The following CCDC141 variants were observed in gnomAD, a reference collection of about 807,000 sequenced individuals.
The protein encoded by CCDC141 is coiled-coil domain containing 141.
CCDC141 carries 168 observed loss-of-function variants against 181.0 expected under a neutral mutation model. That is an observed-to-expected ratio of 0.93 (90% CI 0.82 to 1.05). The LOEUF is 1.05. CCDC141 is among the 50% of genes least tolerant of loss of function. The probability of loss-of-function intolerance (pLI) is 0.00; values close to 1 mark genes in which losing one functional copy is unlikely to be tolerated. For missense variants in CCDC141, 1,902 were observed against 1,788.5 expected, an observed-to-expected ratio of 1.06 and a Z score of -1.14; for synonymous variants, 666 against 642.3, an observed-to-expected ratio of 1.04 and a Z score of -0.56.
chr2:178,846,162 A>G (rs1684931645), intron 21 of CCDC141, among the ~76,000 whole-genome samples: 1 of 152,234 alleles, frequency 6.6e-6, no homozygotes, highest in Non-Finnish European at 1.5e-5. Context: ...CTACACAAGC[A>G]AAATACTGGG....
Position 178,918,870 on chromosome 2 carries a change from G to A in CCDC141, c.935C>T (p.Ala312Val). ...NSAVEKLKSEALRILLSKDYV... is the reference protein window; with the variant it reads ...NSAVEKLKSEVLRILLSKDYV... ...GTCCTTTGACAGCAGAATTCTCAGT[G>A]CCTCACTCTTCAGCTTCTCAACAGC... The change falls in exon 7 of 24, where the codon GCA becomes GTA. Residue 312 changes from alanine to valine, a missense_variant. Transcript: ENST00000443758. 6.4e-7 allele frequency: 1 copy of A among 1,550,642 alleles called. No homozygotes were observed. Among genetic ancestry groups the A allele is most frequent in the Non-Finnish European group, 8.7e-7 (1 of 1,146,966 alleles).
At chr2:178,876,271 A>G (rs558039661) in intron 12 of CCDC141, 22 of 152,328 alleles carry the variant, frequency 1.4e-4, no homozygotes, top group African/African-American at 5.1e-4. Flanking sequence ...TATCTTTGAA[A>G]ATCTACAGAA....
rs568664162 is a variant in CCDC141 at position 179,035,627 on chromosome 2, C to T, written c.225+11657G>A. ...ATTCACATGACTGGAAGTTGATTGACTGTTGGATTTCAGCCAAAGCTGTTA... is the reference window on the plus strand; with the variant it reads ...ATTCACATGACTGGAAGTTGATTGATTGTTGGATTTCAGCCAAAGCTGTTA... On this transcript the variant is annotated intron_variant, in intron 2 of 23. Transcript: ENST00000443758. 7.9e-4 allele frequency among the ~76,000 whole-genome samples: 121 copies of T among 152,302 alleles called. 1 individual carries two copies. The South Asian group carries it at 0.024, about 30-fold the overall frequency.
At chr2:178,923,096 A>ATTTTTTTTTTTTTTTTT (rs757686549) in intron 6 of CCDC141, among the ~76,000 whole-genome samples, 1 of 137,816 alleles carries the variant, frequency 7.3e-6, no homozygotes. Context: ...CCACCAGTTT[A>ATTTTTTTTTTTTTTTTT]TTTTTTTTTT....
intron 6 of CCDC141, 99 bp from the exon 7 acceptor site, chr2:178,919,006 G>A: frequency 1.8e-6 from 2 of 1,092,080 alleles, no homozygotes; most frequent in Non-Finnish European, 1.3e-6. Context: ...AACCCCCAAG[G>A]TGATGATATT....
At chr2:178,861,409 G>A (rs1054722783) in intron 17 of CCDC141, among the ~76,000 whole-genome samples, 13 of 152,114 alleles carry the variant, frequency 8.5e-5, no homozygotes, top group Non-Finnish European at 1.6e-4. Context: ...GCTGAGGCAG[G>A]TGGGTCACCA....
In CCDC141 at chr2:178,837,701, C is replaced by T. The variant is rs1684548094; in HGVS notation, c.3518G>A (p.Gly1173Glu). ...CAGGTCTTGTGGTAGTCGCTCTTCC[C>T]CTGTTCCATTGATGCCCAAAAGATC... ...VADLLGINGT[G>E]EERLPQDLKV... Residue 1173 changes from glycine (G) to glutamate (E), a missense_variant, in exon 23 of 24, where the codon GGG (glycine) becomes GAG (glutamate). Gly to Glu is a moderately conservative substitution (Grantham distance 98, BLOSUM62 -2). Coordinates refer to ENST00000443758, the MANE Select transcript of CCDC141 (RefSeq NM_173648.4). 1 of 1,613,660 alleles carries T rather than the reference C, an allele frequency of 6.2e-7. No homozygotes were observed. Among genetic ancestry groups the T allele is most frequent in the Non-Finnish European group, 8.5e-7 (1 of 1,179,752 alleles).
At chr2:178,857,848 G>A (rs191772394) in intron 17 of CCDC141, among the ~76,000 whole-genome samples, 2 of 152,262 alleles carry the variant, frequency 1.3e-5, no homozygotes, top group East Asian at 3.9e-4. Flanking sequence ...CTAGATTATA[G>A]AATTGTAATG....
chr2:178,817,698 T>A, the CCDC141 span: 1 of 365,478 alleles, frequency 2.7e-6, no homozygotes, highest in Non-Finnish European at 5.6e-6. Context: ...GAAAAGGAAA[T>A]TTGAAGTTGC....
Position 178,953,271 on chromosome 2 carries a change from C to A in CCDC141, c.780+7959G>T, listed in dbSNP as rs117377101. On this transcript the variant is annotated intron_variant, in intron 5 of 23. Coordinates refer to ENST00000443758, the MANE Select transcript of CCDC141 (RefSeq NM_173648.4). The stretch of plus-strand genomic sequence containing the variant: ...CTAACATGGTGAAACTGCATCTGTA[C>A]TTAAAATACAAAACAATTAGCCGGG... 1.9e-3 allele frequency among the ~76,000 whole-genome samples: 282 copies of A among 152,196 alleles called. 10 individuals are homozygous for A. The East Asian group carries it at 0.052, about 28-fold the overall frequency.
intron 8 of CCDC141, among the ~76,000 whole-genome samples, chr2:178,898,755 T>G (rs1687534665): frequency 2.0e-5 from 3 of 152,170 alleles, no homozygotes; most frequent in African/African-American, 7.2e-5. Flanking sequence ...GGTCTCAGAT[T>G]TACTAAGGAG....
chr2:178,855,248 TATA>T, intron 19 of CCDC141, 96 bp downstream of exon 19: 1 of 934,614 alleles, frequency 1.1e-6, no homozygotes, highest in Non-Finnish European at 1.6e-6. Context: ...GATACATGAA[TATA>T]ATGAGAATAA....
chr2:178,839,131 A>C (rs1427370208), intron 22 of CCDC141, among the ~76,000 whole-genome samples: 1 of 152,152 alleles, frequency 6.6e-6, no homozygotes, highest in Non-Finnish European at 1.5e-5. Flanking sequence ...TAAGAAAATA[A>C]GACTGGGTGC....
chr2:179,032,523 G>T (rs913814048), intron 2 of CCDC141, among the ~76,000 whole-genome samples: 3 of 152,242 alleles, frequency 2.0e-5, no homozygotes, highest in Non-Finnish European at 4.4e-5. Context: ...TCCACATCTG[G>T]TACGTATATC....
intron 2 of CCDC141, among the ~76,000 whole-genome samples, chr2:179,021,310 T>C (rs1311256403): frequency 6.6e-6 from 1 of 152,204 alleles, no homozygotes; most frequent in Non-Finnish European, 1.5e-5. Flanking sequence ...ATTTTAGCTA[T>C]GCAAACCTAA....
chr2:179,015,781 ATG>A (rs796502235), intron 2 of CCDC141, among the ~76,000 whole-genome samples: 31,906 of 96,260 alleles, frequency 0.33, 8,060 homozygotes, highest in East Asian at 0.51. Context: ...TATCTCATAT[ATG>A]TATCATATAT....
chr2:178,881,425 T>C (rs1686601287), intron 11 of CCDC141, among the ~76,000 whole-genome samples: 1 of 152,170 alleles, frequency 6.6e-6, no homozygotes, highest in Non-Finnish European at 1.5e-5. Flanking sequence ...CCTTAGTAAA[T>C]CTGTTCTTTC....
At chr2:178,960,682 G>A (rs1690360410) in intron 5 of CCDC141, among the ~76,000 whole-genome samples, 2 of 152,158 alleles carry the variant, frequency 1.3e-5, no homozygotes, top group Admixed American at 1.3e-4. Flanking sequence ...CCTGCAGCCT[G>A]GGTAATGAGC....
At chr2:178,941,781 C>T (rs1251514403) in intron 6 of CCDC141, among the ~76,000 whole-genome samples, 10 of 144,814 alleles carry the variant, frequency 6.9e-5, no homozygotes, top group African/African-American at 1.3e-4. Flanking sequence ...AGCAAGACCC[C>T]GTCTCTACAA....
Sources: gnomAD v4.1 joint callset for allele counts (sites outside exome capture counted in the v4.1 genomes callset) on GRCh38, gnomAD v4.1.1 for gene constraint, MANE v1.5 for transcripts, NCBI Gene and HGNC (gene_info 2026-07-23, HGNC 2026-07-21) for gene names.